SRBD1: variants seen among roughly 807,000 people sequenced by gnomAD.
SRBD1 encodes the protein S1 RNA binding domain 1.
Under a neutral mutation model 115.3 loss-of-function variants are expected in SRBD1, and 88 were observed. That is an observed-to-expected ratio of 0.76 (90% confidence interval 0.64 to 0.91). The LOEUF is 0.91. Ranked by LOEUF, SRBD1 falls within the 40% of genes least tolerant of loss-of-function variation. The pLI is 0.00. For missense variants in SRBD1, 1,385 were observed against 1,177.4 expected, an observed-to-expected ratio of 1.18 and a Z score of -2.58; for synonymous variants, 509 against 407.7, an observed-to-expected ratio of 1.25 and a Z score of -2.99.
chr2:45,419,207 G>C (rs1207220896), intron 17 of SRBD1, among the ~76,000 whole-genome samples: 1 of 152,190 alleles, frequency 6.6e-6, no homozygotes, highest in African/African-American at 2.4e-5. Context: ...CTGTTTCAGT[G>C]AAAACGGTCC....
intron 1 of SRBD1, among the ~76,000 whole-genome samples, 197 bp downstream of exon 1, chr2:45,611,022 C>T (rs773252527): frequency 5.5e-4 from 83 of 152,144 alleles, no homozygotes; most frequent in Non-Finnish European, 1.0e-3. Context: ...CACGAGGTAG[C>T]TAGGAGGGGT....
intron 15 of SRBD1, among the ~76,000 whole-genome samples, chr2:45,485,283 T>C (rs1670083809): frequency 1.3e-5 from 2 of 152,240 alleles, no homozygotes; most frequent in South Asian, 2.1e-4. Flanking sequence ...TTTTCTACAA[T>C]GCTGTCTTAG....
At chr2:45,517,493 T>C (rs1157144552) in intron 14 of SRBD1, among the ~76,000 whole-genome samples, 1 of 152,180 alleles carries the variant, frequency 6.6e-6, no homozygotes, top group East Asian at 1.9e-4. Context: ...TTCACGGCAA[T>C]GAAAGACTAA....
chr2:45,526,385 A>C (rs2103969612), intron 14 of SRBD1, among the ~76,000 whole-genome samples: 1 of 152,162 alleles, frequency 6.6e-6, no homozygotes, highest in Middle Eastern at 3.4e-3. Context: ...CATAAGAAAT[A>C]TTCAGGACAG....
At chr2:45,432,456 A>G (rs1572634632) in intron 16 of SRBD1, among the ~76,000 whole-genome samples, 1 of 152,328 alleles carries the variant, frequency 6.6e-6, no homozygotes, top group Non-Finnish European at 1.5e-5. Context: ...TTCTAAGAAC[A>G]TTTCTAAGCA....
intron 2 of SRBD1, 45 bp from the exon 3 acceptor site, chr2:45,602,128 A>T: frequency 6.4e-7 from 1 of 1,566,450 alleles, no homozygotes. Context: ...AATAAAAGCA[A>T]ATGTCAAAGG....
At chr2:45,533,176 G>C (rs927605412) in intron 14 of SRBD1, among the ~76,000 whole-genome samples, 2 of 151,916 alleles carry the variant, frequency 1.3e-5, no homozygotes. Flanking sequence ...TGGTTCCAGT[G>C]GTAGCAATTG....
intron 9 of SRBD1, chr2:45,568,083 T>C (rs1672891035): frequency 6.6e-6 from 1 of 151,968 alleles, no homozygotes; most frequent in African/African-American, 2.4e-5. Flanking sequence ...AGGAAATAGG[T>C]AGTTAAGACA....
intron 11 of SRBD1, 63 bp from the exon 12 acceptor site, chr2:45,551,345 G>A: frequency 6.8e-7 from 1 of 1,464,510 alleles, no homozygotes; most frequent in Non-Finnish European, 9.2e-7. Context: ...CAGAAAAGGA[G>A]CAGAATTCAT....
At chr2:45,409,515 C>CAAAAAAAAAAA (rs59849294) in intron 19 of SRBD1, among the ~76,000 whole-genome samples, 5 of 117,916 alleles carry the variant, frequency 4.2e-5, no homozygotes, top group Non-Finnish European at 7.1e-5. Flanking sequence ...TTGCAATAGG[C>CAAAAAAAAAAA]AAAAAAAAAA....
chr2:45,476,459 C>T (rs1286004701), intron 16 of SRBD1, among the ~76,000 whole-genome samples: 1 of 152,194 alleles, frequency 6.6e-6, no homozygotes, highest in Non-Finnish European at 1.5e-5. Flanking sequence ...AACTTCCCCA[C>T]ATACCATTTT....
chr2:45,418,597 T>C (rs1035009903), intron 17 of SRBD1, 56 bp from the exon 18 acceptor site: 12 of 1,472,792 alleles, frequency 8.1e-6, no homozygotes, highest in African/African-American at 1.5e-5. Context: ...AAGACAATGA[T>C]ATAAAACATT....
At chr2:45,520,642 T>C (rs1671253988) in intron 14 of SRBD1, among the ~76,000 whole-genome samples, 1 of 151,934 alleles carries the variant, frequency 6.6e-6, no homozygotes, top group Admixed American at 6.6e-5. Flanking sequence ...CAGGAGCAGA[T>C]GAAGAGACAA....
chr2:45,421,953 G>C (rs1410028189), intron 16 of SRBD1, among the ~76,000 whole-genome samples: 1 of 152,114 alleles, frequency 6.6e-6, no homozygotes, highest in African/African-American at 2.4e-5. Flanking sequence ...TGAGAACTTG[G>C]TTACTCTGAG....
intron 3 of SRBD1, among the ~76,000 whole-genome samples, chr2:45,600,171 G>C (rs1674047310): frequency 6.6e-6 from 1 of 152,044 alleles, no homozygotes; most frequent in Non-Finnish European, 1.5e-5. Context: ...CGATAAAATT[G>C]CACAGAACCA....
At chr2:45,417,290 C>T (rs11904532) in intron 18 of SRBD1, among the ~76,000 whole-genome samples, 25,163 of 152,066 alleles carry the variant, frequency 0.17, 2,699 homozygotes, top group African/African-American at 0.3. Flanking sequence ...AGTGGGACTA[C>T]AGCTTCCTTC....
intron 16 of SRBD1, 41 bp from the exon 17 acceptor site, chr2:45,419,935 T>G: frequency 1.3e-6 from 2 of 1,536,696 alleles, no homozygotes; most frequent in South Asian, 1.1e-5. Flanking sequence ...GAAGGAGATG[T>G]AGTTCTTGGA....
intron 14 of SRBD1, among the ~76,000 whole-genome samples, chr2:45,494,323 A>C (rs895240047): frequency 1.3e-5 from 2 of 152,148 alleles, no homozygotes; most frequent in East Asian, 3.8e-4. Flanking sequence ...GAAAAGGTTT[A>C]AAAATGTAAG....
chr2:45,470,114 T>C (rs1382518438), intron 16 of SRBD1, among the ~76,000 whole-genome samples: 1 of 152,242 alleles, frequency 6.6e-6, no homozygotes, highest in Non-Finnish European at 1.5e-5. Flanking sequence ...TAAAATGTTT[T>C]AAAAGATTTG....
Sources: gnomAD v4.1 joint callset for allele counts (sites outside exome capture counted in the v4.1 genomes callset) on GRCh38, gnomAD v4.1.1 for gene constraint, MANE v1.5 for transcripts, NCBI Gene and HGNC (gene_info 2026-07-23, HGNC 2026-07-21) for gene names.